The following HOATZ variants were observed in gnomAD, a reference collection of about 807,000 sequenced individuals.
HOATZ encodes HOATZ cilia and flagella associated protein, also known as cilia- and flagella-associated protein HOATZ.
In HOATZ, 26 loss-of-function variants were observed where a neutral mutation model predicts 24.9. That is an observed-to-expected ratio of 1.04 (90% CI 0.76 to 1.45). The LOEUF (loss-of-function observed/expected upper bound fraction) is 1.45, where lower values mean the gene tolerates loss of function less well. Ranked by LOEUF, HOATZ falls within the 40% of genes most tolerant of loss-of-function variation. The probability of loss-of-function intolerance (pLI) is 0.00; values close to 1 mark genes in which losing one functional copy is unlikely to be tolerated. For synonymous variants in HOATZ, 83 were observed against 76.6 expected, an observed-to-expected ratio of 1.08 and a Z score of -0.43; for missense variants, 226 against 201.5, an observed-to-expected ratio of 1.12 and a Z score of -0.74.
At chr11:111,515,219 TAA>T (rs10599570) in intron 1 of HOATZ, 7,724 of 602,008 alleles carry the variant, frequency 0.013, 451 homozygotes, top group African/African-American at 0.12. Context: ...TAAAAACATA[TAA>T]GTTTCCCTTA....
At chr11:111,532,510 G>A (rs1867404425) in intron 3 of HOATZ, among the ~76,000 whole-genome samples, 2 of 152,158 alleles carry the variant, frequency 1.3e-5, no homozygotes, top group Admixed American at 1.3e-4. Flanking sequence ...TGACAACAAA[G>A]GCAAAGATTG....
At chr11:111,529,791 A>G (rs1269287989) in intron 3 of HOATZ, among the ~76,000 whole-genome samples, 1 of 152,222 alleles carries the variant, frequency 6.6e-6, no homozygotes, top group East Asian at 1.9e-4. Context: ...GTGTTTATTA[A>G]GAGCTTTTTT....
chr11:111,520,524 T>C (rs1347780965), intron 3 of HOATZ, among the ~76,000 whole-genome samples: 1 of 152,176 alleles, frequency 6.6e-6, no homozygotes, highest in Non-Finnish European at 1.5e-5. Flanking sequence ...GTAATGTCCA[T>C]AGTATAAGTC....
intron 3 of HOATZ, among the ~76,000 whole-genome samples, chr11:111,519,940 A>C (rs1867251065): frequency 1.3e-5 from 2 of 152,204 alleles, no homozygotes; most frequent in Non-Finnish European, 2.9e-5. Flanking sequence ...CTTGAATATT[A>C]TTCTCCATTT....
At chr11:111,533,537 T>C (rs1433646968) in intron 3 of HOATZ, among the ~76,000 whole-genome samples, 3 of 152,164 alleles carry the variant, frequency 2.0e-5, no homozygotes, top group African/African-American at 7.2e-5. Flanking sequence ...TTTTACAGCA[T>C]TTTAATATTT....
chr11:111,519,999 T>G (rs1278543957), intron 3 of HOATZ, among the ~76,000 whole-genome samples: 1 of 152,204 alleles, frequency 6.6e-6, no homozygotes, highest in African/African-American at 2.4e-5. Flanking sequence ...TGGTTAGTGA[T>G]CAAAATGCTG....
At chr11:111,516,913 G>A (rs922466300) in intron 3 of HOATZ, among the ~76,000 whole-genome samples, 2 of 152,136 alleles carry the variant, frequency 1.3e-5, no homozygotes, top group Non-Finnish European at 2.9e-5. Context: ...TCATGATACA[G>A]GCATGGCCTT....
intron 3 of HOATZ, among the ~76,000 whole-genome samples, chr11:111,517,087 C>T (rs1049668213): frequency 7.9e-5 from 12 of 152,306 alleles, no homozygotes; most frequent in Non-Finnish European, 1.3e-4. Flanking sequence ...ACAGACTTAT[C>T]GGGAATTCTA....
chr11:111,525,455 G>T (rs1867328487), intron 3 of HOATZ, among the ~76,000 whole-genome samples: 1 of 152,244 alleles, frequency 6.6e-6, no homozygotes, highest in Non-Finnish European at 1.5e-5. Flanking sequence ...TATGTGTGAG[G>T]TTGGATTGGA....
intron 5 of HOATZ, 33 bp downstream of exon 5, chr11:111,534,497 C>T: frequency 6.6e-7 from 1 of 1,514,858 alleles, no homozygotes. Flanking sequence ...TATTCTCTCA[C>T]CTTTCAACTT....
Position 111,516,048 on chromosome 11 carries a change from G to T in HOATZ, c.277G>T (p.Asp93Tyr), listed in dbSNP as rs776746829. The change falls in exon 3 of 6, where the codon GAC (aspartate) becomes TAC (tyrosine). Residue 93 changes from aspartate (D) to tyrosine (Y), a missense_variant. Asp to Tyr is a radical substitution (Grantham distance 160). Transcript: ENST00000375618. Reference protein sequence around the residue: ...SFHLASNKNRDIFAEALKIQE... With the variant: ...SFHLASNKNRYIFAEALKIQE... ...GACTTTATTCCCTCTAGAAAATAGA[G>T]ACATCTTTGCCGAAGCCCTAAAGAT... 5 of 1,581,546 alleles carry T rather than the reference G, an allele frequency of 3.2e-6. No homozygotes were observed. In the Admixed American group the frequency reaches 8.7e-5, roughly 28 times the overall value.
chr11:111,524,985 C>T (rs1170466788), intron 3 of HOATZ: 3 of 394,498 alleles, frequency 7.6e-6, no homozygotes, highest in Non-Finnish European at 1.5e-5. Flanking sequence ...ACCTCAGCCT[C>T]AGCCTCCAAA....
At chr11:111,519,594 T>G (rs1336473190) in intron 3 of HOATZ, among the ~76,000 whole-genome samples, 1 of 152,188 alleles carries the variant, frequency 6.6e-6, no homozygotes, top group African/African-American at 2.4e-5. Flanking sequence ...AAATCGATAA[T>G]GTTGTCTCTG....
Position 111,525,637 on chromosome 11 carries a change from A to C in HOATZ, c.340-8109A>C, listed in dbSNP as rs935970349. Reference sequence around the variant, plus strand: ...AAGGCAATGTCAAGTTCAGGCAAGAAGGGCCAAGCAAAGCCATAAACAGTA... The same window carrying C: ...AAGGCAATGTCAAGTTCAGGCAAGACGGGCCAAGCAAAGCCATAAACAGTA... On this transcript the variant is annotated intron_variant, in intron 3 of 5. Transcript: ENST00000375618. 2.6e-5 allele frequency among the ~76,000 whole-genome samples: 4 copies of C among 152,374 alleles called. No homozygotes were observed. In the East Asian group the frequency reaches 7.7e-4, roughly 29 times the overall value.
Position 111,514,969 on chromosome 11 carries a change from A to G in HOATZ, c.185A>G (p.Gln62Arg). 1.2e-6 allele frequency: 2 copies of G among 1,613,738 alleles called. No individual in the cohort carries two copies. Among genetic ancestry groups the G allele is most frequent in the Non-Finnish European group, 1.7e-6 (2 of 1,180,020 alleles). ...CTGGTGCTGCGCAGAGACAGCAGTC[A>G]GCGTCTGCCGGTGGCGCGGCCCAGG... ...SQLVLRRDSS[Q>R]RLPVARPRRS... Residue 62 changes from glutamine (Q) to arginine (R), a missense_variant, in exon 1 of 6, where the codon CAG becomes CGG. Physicochemically the swap from Gln to Arg is conservative, Grantham distance 43. Transcript: ENST00000375618.
chr11:111,523,663 C>T (rs538560454), intron 3 of HOATZ, among the ~76,000 whole-genome samples: 115 of 152,226 alleles, frequency 7.6e-4, no homozygotes, highest in Non-Finnish European at 1.2e-3. Context: ...CACCATTACC[C>T]TTCAGTGCAA....
chr11:111,535,057 A>G (rs565998239), intron 5 of HOATZ: 9 of 152,322 alleles, frequency 5.9e-5, no homozygotes, highest in African/African-American at 2.2e-4. Context: ...CTAAAAACCA[A>G]TGTGGCCAAC....
chr11:111,530,388 G>A (rs2135781083), intron 3 of HOATZ, among the ~76,000 whole-genome samples: 1 of 152,112 alleles, frequency 6.6e-6, no homozygotes, highest in East Asian at 1.9e-4. Flanking sequence ...TGCCACTCAA[G>A]TCATTTGGCT....
intron 3 of HOATZ, among the ~76,000 whole-genome samples, chr11:111,521,318 A>G (rs968542663): frequency 2.0e-5 from 3 of 152,228 alleles, no homozygotes; most frequent in African/African-American, 7.2e-5. Flanking sequence ...AACATTATCA[A>G]CTGTTGGATT....
Sources: allele counts gnomAD v4.1 joint callset (sites outside exome capture counted in the v4.1 genomes callset), GRCh38; gene constraint gnomAD v4.1.1; transcripts MANE v1.5; gene names NCBI Gene and HGNC (gene_info 2026-07-23, HGNC 2026-07-21).